Variants in SLC44A5 observed in about 807,000 individuals in gnomAD.
SLC44A5 encodes choline transporter-like protein 5.
SLC44A5 carries 57 observed loss-of-function variants against 101.8 expected under a neutral mutation model. The ratio of observed to expected loss-of-function variants is 0.56; its 90% CI spans 0.45 to 0.70. SLC44A5 has a LOEUF of 0.70. Among genes scored for constraint, SLC44A5 ranks in the 30% least tolerant of loss-of-function variants. The probability of loss-of-function intolerance (pLI) is 0.00; values close to 1 mark genes in which losing one functional copy is unlikely to be tolerated. For synonymous variants in SLC44A5, 281 were observed against 290.9 expected (o/e 0.97, Z 0.35); for missense variants, 737 against 853.1 (o/e 0.86, Z 1.70).
At chr1:75,496,558 A>AT (rs200342487) in intron 2 of SLC44A5, among the ~76,000 whole-genome samples, 198 of 150,906 alleles carry the variant, frequency 1.3e-3, no homozygotes, top group East Asian at 8.6e-3. Flanking sequence ...CTTGATGAAG[A>AT]TTTTTTTTTG....
intron 1 of SLC44A5, among the ~76,000 whole-genome samples, chr1:75,556,233 T>C (rs561200392): frequency 3.3e-5 from 5 of 152,272 alleles, no homozygotes; most frequent in Admixed American, 6.6e-5. Context: ...CTGTGCCCTA[T>C]GTTTGTTTCA....
intron 5 of SLC44A5, among the ~76,000 whole-genome samples, chr1:75,298,745 G>T (rs553617238): frequency 6.6e-6 from 1 of 152,122 alleles, no homozygotes; most frequent in African/African-American, 2.4e-5. Flanking sequence ...ATTATGGGTT[G>T]CCATGGAAAT....
the SLC44A5 span, chr1:75,677,821 G>A: frequency 1.8e-5 from 7 of 393,544 alleles, no homozygotes; most frequent in African/African-American, 8.9e-5. Context: ...CGCAGAAGAT[G>A]GGTGATTTCT....
intron 3 of SLC44A5, among the ~76,000 whole-genome samples, chr1:75,362,576 C>T (rs1486402304): frequency 1.3e-5 from 2 of 151,990 alleles, no homozygotes; most frequent in East Asian, 3.9e-4. Context: ...TATTCATGAG[C>T]ATGTTGTTTA....
At chr1:75,307,040 T>C (rs1194805616) in intron 4 of SLC44A5, among the ~76,000 whole-genome samples, 1 of 152,060 alleles carries the variant, frequency 6.6e-6, no homozygotes, top group Admixed American at 6.6e-5. Flanking sequence ...GCCCGGCCGG[T>C]TTCCTTTCTT....
At chr1:75,590,547 G>T (rs925008458) in intron 1 of SLC44A5, among the ~76,000 whole-genome samples, 18 of 152,102 alleles carry the variant, frequency 1.2e-4, no homozygotes, top group African/African-American at 3.6e-4. Flanking sequence ...TTCTGAACCT[G>T]CCCTGGGGCA....
At chr1:75,474,186 A>T (rs1432997700) in intron 2 of SLC44A5, among the ~76,000 whole-genome samples, 1 of 152,228 alleles carries the variant, frequency 6.6e-6, no homozygotes, top group Non-Finnish European at 1.5e-5. Flanking sequence ...AAATAAAAAA[A>T]GAAGGAACTT....
chr1:75,403,060 AGT>A (rs1452986519), intron 2 of SLC44A5, among the ~76,000 whole-genome samples: 1 of 152,176 alleles, frequency 6.6e-6, no homozygotes, highest in Non-Finnish European at 1.5e-5. Context: ...TTCCCCTCAC[AGT>A]GTAAACAAAG....
At chr1:75,717,323 A>G in the SLC44A5 span, among the ~76,000 whole-genome samples, 1 of 150,862 alleles carries the variant, frequency 6.6e-6, no homozygotes, top group Non-Finnish European at 1.5e-5. Context: ...TCTGGGAGAG[A>G]GAGTGAGACC....
At chr1:75,311,018 TTAA>T (rs889563931) in intron 4 of SLC44A5, among the ~76,000 whole-genome samples, 66 of 152,168 alleles carry the variant, frequency 4.3e-4, no homozygotes, top group African/African-American at 1.3e-3. Context: ...ATTTTTAAAG[TTAA>T]TATATATGCA....
intron 3 of SLC44A5, among the ~76,000 whole-genome samples, chr1:75,356,104 T>C (rs1659047159): frequency 1.3e-5 from 2 of 148,188 alleles, no homozygotes; most frequent in African/African-American, 2.5e-5. Flanking sequence ...CCCCAGCTAC[T>C]CAGGAGGCTG....
intron 5 of SLC44A5, among the ~76,000 whole-genome samples, chr1:75,284,795 A>G (rs1196956646): frequency 6.6e-6 from 1 of 152,102 alleles, no homozygotes; most frequent in Non-Finnish European, 1.5e-5. Context: ...AAATCTGTTT[A>G]TGTGATGTAT....
chr1:75,209,347 C>T (rs1646808750), intron 23 of SLC44A5, among the ~76,000 whole-genome samples: 1 of 152,166 alleles, frequency 6.6e-6, no homozygotes, highest in African/African-American at 2.4e-5. Context: ...GGGAAGGTCA[C>T]ATAGTGATTT....
chr1:75,678,629 G>C, the SLC44A5 span, among the ~76,000 whole-genome samples: 5 of 149,862 alleles, frequency 3.3e-5, no homozygotes, highest in Admixed American at 1.3e-4. Flanking sequence ...CATCATCAAA[G>C]ACCAAAAGTA....
chr1:75,642,078 C>A, the SLC44A5 span: 1 of 1,257,662 alleles, frequency 8.0e-7, no homozygotes. Context: ...AATCTGGGGG[C>A]TTCACTAATT....
rs900379670 is a variant in SLC44A5 at position 75,610,127 on chromosome 1, G to A, written c.-70+913C>T. Among the ~76,000 whole-genome samples the A allele has an allele frequency of 5.2e-5, 6 of 116,206 alleles. No individual in the cohort carries two copies. In the South Asian group the frequency reaches 1.8e-3, roughly 34 times the overall value. 76.2% of individuals were successfully genotyped at this position (116,206 alleles called of 152,430 possible). The stretch of plus-strand genomic sequence containing the variant: ...GCTAAGATTCAAGACTTCTATGCAA[G>A]TCAAGAAATACACACACACACACAC... On this transcript the variant is annotated intron_variant, in intron 1 of 23. Coordinates refer to ENST00000370859, the MANE Select transcript of SLC44A5 (RefSeq NM_001130058.2).
At chr1:75,593,263 T>A (rs1253755997) in intron 1 of SLC44A5, among the ~76,000 whole-genome samples, 1 of 152,008 alleles carries the variant, frequency 6.6e-6, no homozygotes, top group Non-Finnish European at 1.5e-5. Context: ...ATCAGAGAAA[T>A]ACAAATCAAA....
intron 2 of SLC44A5, among the ~76,000 whole-genome samples, chr1:75,427,167 C>G (rs1340826984): frequency 1.3e-5 from 2 of 152,152 alleles, no homozygotes; most frequent in Non-Finnish European, 2.9e-5. Context: ...CAGGGGACCC[C>G]TCTACACCAC....
At chr1:75,436,876 A>T (rs1281597817) in intron 2 of SLC44A5, among the ~76,000 whole-genome samples, 1 of 152,036 alleles carries the variant, frequency 6.6e-6, no homozygotes, top group Non-Finnish European at 1.5e-5. Context: ...AAAACTTTTT[A>T]AACTTTTTTG....
Sources: gnomAD v4.1 joint callset for allele counts (sites outside exome capture counted in the v4.1 genomes callset) on GRCh38, gnomAD v4.1.1 for gene constraint, MANE v1.5 for transcripts, NCBI Gene and HGNC (gene_info 2026-07-23, HGNC 2026-07-21) for gene names.